Variants in REDIC1 observed in about 807,000 individuals in gnomAD.
The protein encoded by REDIC1 is regulator of DNA class I crossover intermediates 1, also known as HEI10 Interacting Protein 1.
At chr12:39,683,914 A>G in the REDIC1 span, among the ~76,000 whole-genome samples, 2 of 152,076 alleles carry the variant, frequency 1.3e-5, no homozygotes, top group African/African-American at 4.8e-5. Flanking sequence ...CACTATAGGG[A>G]GTGATAGAAT....
At chr12:39,795,171 C>T in the REDIC1 span, among the ~76,000 whole-genome samples, 2 of 151,968 alleles carry the variant, frequency 1.3e-5, no homozygotes, top group Admixed American at 1.3e-4. Flanking sequence ...CCTAACGTCT[C>T]TTATATCTTG....
At chr12:39,642,534 C>T in the REDIC1 span, among the ~76,000 whole-genome samples, 1 of 151,668 alleles carries the variant, frequency 6.6e-6, no homozygotes, top group Non-Finnish European at 1.5e-5. Context: ...CATCATCTCC[C>T]TCACTATGGT....
the REDIC1 span, among the ~76,000 whole-genome samples, chr12:39,726,407 G>A: frequency 6.6e-6 from 1 of 152,112 alleles, no homozygotes. Flanking sequence ...GTGAGAACAT[G>A]CAGTGTTTGG....
chr12:39,780,814 C>T, the REDIC1 span, among the ~76,000 whole-genome samples: 818 of 152,222 alleles, frequency 5.4e-3, 6 homozygotes, highest in African/African-American at 0.019. Context: ...TTCTCTGATA[C>T]AGTCATGACA....
At chr12:39,649,929 A>G in the REDIC1 span, among the ~76,000 whole-genome samples, 2 of 152,002 alleles carry the variant, frequency 1.3e-5, no homozygotes, top group Non-Finnish European at 2.9e-5. Flanking sequence ...ACTTACAATT[A>G]TTCAAGATCT....
chr12:39,782,210 T>C, the REDIC1 span, among the ~76,000 whole-genome samples: 1 of 152,194 alleles, frequency 6.6e-6, no homozygotes, highest in Non-Finnish European at 1.5e-5. Context: ...AACCTTTGTG[T>C]TTACCTTGTG....
chr12:39,730,222 G>T, the REDIC1 span, among the ~76,000 whole-genome samples: 3 of 152,098 alleles, frequency 2.0e-5, 1 homozygote, highest in Non-Finnish European at 4.4e-5. Flanking sequence ...TGGTTATTTT[G>T]CCCGTTAGTT....
At chr12:39,703,691 T>C in the REDIC1 span, among the ~76,000 whole-genome samples, 4 of 152,146 alleles carry the variant, frequency 2.6e-5, no homozygotes, top group Admixed American at 2.6e-4. Flanking sequence ...ACTACAAGGC[T>C]ACAGTCACCA....
chr12:39,876,631 A>G, the REDIC1 span, among the ~76,000 whole-genome samples: 601 of 152,336 alleles, frequency 3.9e-3, 2 homozygotes, highest in African/African-American at 0.014. Context: ...CCTTAGTGAC[A>G]TAGACACTAT....
the REDIC1 span, among the ~76,000 whole-genome samples, chr12:39,664,284 T>A: frequency 1.4e-5 from 2 of 146,662 alleles, no homozygotes. Context: ...GTCCATGTGT[T>A]CTCATTGTTC....
At chr12:39,635,225 G>A in the REDIC1 span, among the ~76,000 whole-genome samples, 4 of 152,270 alleles carry the variant, frequency 2.6e-5, no homozygotes, top group East Asian at 7.7e-4. Flanking sequence ...CATTGTGGAA[G>A]ACAGTGTGGC....
chr12:39,845,352 C>T, the REDIC1 span, among the ~76,000 whole-genome samples: 1 of 152,006 alleles, frequency 6.6e-6, no homozygotes, highest in African/African-American at 2.4e-5. Flanking sequence ...CAAGAAAGAA[C>T]CTTGGTAACC....
chr12:39,642,310 G>A, the REDIC1 span, among the ~76,000 whole-genome samples: 4 of 151,564 alleles, frequency 2.6e-5, no homozygotes, highest in African/African-American at 9.7e-5. Flanking sequence ...CCCTTTGACA[G>A]TCTTTGTATT....
At chr12:39,702,584 T>G in the REDIC1 span, among the ~76,000 whole-genome samples, 6 of 152,144 alleles carry the variant, frequency 3.9e-5, no homozygotes, top group Non-Finnish European at 8.8e-5. Context: ...ACTCATTTTA[T>G]GAGGCCAGCA....
the REDIC1 span, among the ~76,000 whole-genome samples, chr12:39,762,928 T>C: frequency 5.1e-3 from 1 of 198 alleles, no homozygotes; most frequent in Non-Finnish European, 0.011. Context: ...CATTTTTCTC[T>C]GGTTTTCTGG....
the REDIC1 span, among the ~76,000 whole-genome samples, chr12:39,693,554 T>C: frequency 1.3e-5 from 2 of 152,204 alleles, no homozygotes. Context: ...ATAGAATATT[T>C]TATAAAAGAA....
chr12:39,778,455 G>A, the REDIC1 span, among the ~76,000 whole-genome samples: 209 of 151,338 alleles, frequency 1.4e-3, 2 homozygotes, highest in Non-Finnish European at 2.2e-3. Context: ...TCACAGGGAC[G>A]AAGTTAGTTA....
chr12:39,626,358 C>T, the REDIC1 span: 7 of 1,614,064 alleles, frequency 4.3e-6, no homozygotes, highest in Non-Finnish European at 5.9e-6. Flanking sequence ...CGGGGGGTCC[C>T]GGTAAGTTGT....
At chr12:39,711,559 GCA>G in the REDIC1 span, among the ~76,000 whole-genome samples, 1 of 41,394 alleles carries the variant, frequency 2.4e-5, no homozygotes, top group South Asian at 5.9e-4. Flanking sequence ...GCATACACAT[GCA>G]TGTGTATATG....
Sources: gnomAD v4.1 joint callset for allele counts (sites outside exome capture counted in the v4.1 genomes callset) on GRCh38, gnomAD v4.1.1 for gene constraint, MANE v1.5 for transcripts, NCBI Gene and HGNC (gene_info 2026-07-23, HGNC 2026-07-21) for gene names.